The following RRP1B variants were observed in gnomAD, a reference collection of about 807,000 sequenced individuals.
The protein encoded by RRP1B is ribosomal RNA processing 1B.
Under a neutral mutation model 80.2 loss-of-function variants are expected in RRP1B, and 56 were observed. The ratio of observed to expected loss-of-function variants is 0.70; its 90% CI spans 0.56 to 0.87. The LOEUF (loss-of-function observed/expected upper bound fraction) is 0.87, where lower values mean the gene tolerates loss of function less well. RRP1B is among the 40% of genes least tolerant of loss of function. RRP1B has a pLI of 0.00. For synonymous variants in RRP1B, 351 were observed against 357.6 expected (o/e 0.98, Z 0.21); for missense variants, 807 against 939.8 (o/e 0.86, Z 1.85).
chr21:43,680,630 G>C (rs2147170684), intron 8 of RRP1B, among the ~76,000 whole-genome samples: 1 of 151,670 alleles, frequency 6.6e-6, no homozygotes, highest in Middle Eastern at 3.5e-3. Context: ...GAGCAGTCAT[G>C]GTTTATTGCG....
rs1209294929 is a variant in RRP1B, at chr21:43,694,588, A to G, written c.*1205A>G. The G allele has an allele frequency of 2.0e-5, 3 of 152,272 alleles. No homozygotes were observed. The highest frequency in any genetic ancestry group is 7.2e-5 in the African/African-American group (3 of 41,464). 9.4% of individuals were successfully genotyped at this position (152,272 alleles called of 1,614,324 possible). A position where few individuals can be genotyped will look rare whatever the true frequency, so the allele number is the denominator to read the frequency against. ...TTCCGCAGCTACCGTCTGCACGGTGAGAGGGCACGGGCACACGGTTCGGGC... is the reference window on the plus strand; with the variant it reads ...TTCCGCAGCTACCGTCTGCACGGTGGGAGGGCACGGGCACACGGTTCGGGC... On this transcript the variant is annotated 3_prime_UTR_variant, in exon 16 of 16. Transcript: ENST00000340648.
Position 43,688,171 on chromosome 21 carries a change from GA to G in RRP1B, c.1798del (p.Arg600GlufsTer2). ...CAAGTTTGAAAAAGAGGAAGAAAAT[GA>G]GAGTGATGTCAAACTTGGTGGAGCA... ...TASLKKRKKM[R>X]VMSNLVEHNG... On this transcript the variant is annotated frameshift_variant, in exon 13 of 16. Transcript: ENST00000340648. LOFTEE classifies it high-confidence loss of function. The G allele has an allele frequency of 1.3e-6, 2 of 1,576,714 alleles. No individual in the cohort carries two copies. Among genetic ancestry groups the G allele is most frequent in the Non-Finnish European group, 1.7e-6 (2 of 1,160,322 alleles).
intron 1 of RRP1B, among the ~76,000 whole-genome samples, chr21:43,663,999 T>C (rs867642082): frequency 1.3e-5 from 2 of 152,274 alleles, no homozygotes; most frequent in Non-Finnish European, 2.9e-5. Context: ...GATAATGTAC[T>C]TTGCCTTTCA....
At chr21:43,664,260 C>G (rs1250886754) in intron 1 of RRP1B, among the ~76,000 whole-genome samples, 1 of 149,748 alleles carries the variant, frequency 6.7e-6, no homozygotes, top group Non-Finnish European at 1.5e-5. Context: ...CACCTGAACC[C>G]GGGAGGCAGT....
At position 43,691,561 on chromosome 21, in the gene RRP1B, G is replaced by T; in HGVS notation, c.2083+59G>T. On this transcript the variant is annotated intron_variant, in intron 15 of 15. Transcript: ENST00000340648. This position sits in a 1 kb window ranked among gnomAD's most constrained non-coding sequence, Gnocchi z 4.2. ...GGAGCACAGCTGCAGCTCCTGGCGCGGCTCGCAGCCTGGTTCCACAAGGCG... is the reference window on the plus strand; with the variant it reads ...GGAGCACAGCTGCAGCTCCTGGCGCTGCTCGCAGCCTGGTTCCACAAGGCG... 1 of 1,508,202 alleles carries T rather than the reference G, an allele frequency of 6.6e-7. No homozygotes were observed. 93.4% of individuals were successfully genotyped at this position (1,508,202 alleles called of 1,614,324 possible). A position where few individuals can be genotyped will look rare whatever the true frequency, so the allele number is the denominator to read the frequency against.
chr21:43,691,510 G>T lies in RRP1B; in HGVS notation c.2083+8G>T. ...ACAGAAACATGACTGCCGGTAAGTG[G>T]GGTTTTGCCAGCGGCAAGCTTCTCT... On this transcript the variant is annotated splice_region_variant and intron_variant, in intron 15 of 15. Transcript: ENST00000340648. This position sits in a 1 kb window ranked among gnomAD's most constrained non-coding sequence, Gnocchi z 4.2. 6.2e-7 allele frequency: 1 copy of T among 1,613,914 alleles called. No homozygotes were observed. Among genetic ancestry groups the T allele is most frequent in the Non-Finnish European group, 8.5e-7 (1 of 1,179,852 alleles).
chr21:43,689,798 G>A (rs1392367849), intron 13 of RRP1B, among the ~76,000 whole-genome samples: 1 of 152,242 alleles, frequency 6.6e-6, no homozygotes, highest in African/African-American at 2.4e-5. Flanking sequence ...GCACTGGGCT[G>A]CCCACACCTC....
intron 3 of RRP1B, among the ~76,000 whole-genome samples, 178 bp downstream of exon 3, chr21:43,672,543 G>A (rs995901947): frequency 2.0e-5 from 3 of 152,286 alleles, no homozygotes; most frequent in East Asian, 1.9e-4. Context: ...GAATCAATTT[G>A]ACATCTCAAA....
In RRP1B at chr21:43,674,706, A is replaced by G. The variant is rs2083014443; in HGVS notation, c.419+9A>G. On this transcript the variant is annotated intron_variant, in intron 5 of 15. Coordinates refer to ENST00000340648, the MANE Select transcript of RRP1B (RefSeq NM_015056.3). Reference sequence around the variant, plus strand: ...AATGGCTGGGAAGAAAGGTCAGTAAACCATTTGAGTTAGCATGTGGTAGCC... The same window carrying G: ...AATGGCTGGGAAGAAAGGTCAGTAAGCCATTTGAGTTAGCATGTGGTAGCC... 6.2e-7 allele frequency: 1 copy of G among 1,602,970 alleles called. No individual in the cohort carries two copies. Among genetic ancestry groups the G allele is most frequent in the Non-Finnish European group, 8.5e-7 (1 of 1,175,660 alleles).
intron 1 of RRP1B, among the ~76,000 whole-genome samples, chr21:43,665,462 G>C (rs1282449715): frequency 6.6e-6 from 1 of 152,200 alleles, no homozygotes; most frequent in Non-Finnish European, 1.5e-5. Context: ...AAGGTTCTTT[G>C]CAATAAACGT....
intron 1 of RRP1B, among the ~76,000 whole-genome samples, chr21:43,668,302 G>A (rs1233881296): frequency 6.6e-6 from 1 of 151,118 alleles, no homozygotes; most frequent in Admixed American, 6.6e-5. Flanking sequence ...GTAAATTAAG[G>A]TTAACGCACT....
intron 10 of RRP1B, among the ~76,000 whole-genome samples, chr21:43,684,889 T>G (rs1287608702): frequency 1.3e-5 from 2 of 152,290 alleles, no homozygotes; most frequent in Admixed American, 6.5e-5. Flanking sequence ...TGCTTTAGAA[T>G]GATGTGAAGT....
At chr21:43,676,411 G>C in intron 7 of RRP1B, 75 bp downstream of exon 7, 1 of 1,150,744 alleles carries the variant, frequency 8.7e-7, no homozygotes. Flanking sequence ...CGTGCAGCCT[G>C]GCACAGGGTA....
chr21:43,687,622 A>C lies in RRP1B; in HGVS notation c.1248A>C (p.Pro416=), dbSNP rs931675384. The part of the protein sequence containing the change: ...KHHLQPENPG[P]GGAAPSLEQN... ...ACCTGCAGCCTGAAAATCCAGGCCC[A>C]GGGGGTGCAGCCCCATCCCTGGAAC... Residue 416 remains proline (P), a synonymous_variant, in exon 13 of 16, where the codon CCA becomes CCC. Transcript: ENST00000340648. 39 of 1,536,080 alleles carry C rather than the reference A, an allele frequency of 2.5e-5. No individual in the cohort carries two copies. Among genetic ancestry groups the C allele is most frequent in the Non-Finnish European group, 3.3e-5 (38 of 1,145,616 alleles).
intron 1 of RRP1B, among the ~76,000 whole-genome samples, chr21:43,663,021 A>G (rs1475090157): frequency 6.6e-6 from 1 of 152,210 alleles, no homozygotes; most frequent in Non-Finnish European, 1.5e-5. Flanking sequence ...TTCAGTGTAG[A>G]TGATGGAGGA....
intron 1 of RRP1B, among the ~76,000 whole-genome samples, chr21:43,661,769 C>T (rs538799248): frequency 2.0e-5 from 3 of 152,258 alleles, no homozygotes; most frequent in East Asian, 1.9e-4. Context: ...CTGCCTAAGC[C>T]CCGTGTAACT....
chr21:43,689,057 G>A (rs1245985259), intron 13 of RRP1B, among the ~76,000 whole-genome samples: 3 of 152,376 alleles, frequency 2.0e-5, no homozygotes, highest in African/African-American at 7.2e-5. Context: ...TTACAGGCGA[G>A]AGCCCCCGCG....
chr21:43,686,857 G>A lies in RRP1B; in HGVS notation c.1063G>A (p.Asp355Asn). Residue 355 changes from aspartate (D) to asparagine (N), a missense_variant, in exon 12 of 16, where the codon GAC becomes AAC. Asp to Asn is a conservative substitution (Grantham distance 23, BLOSUM62 1). Transcript: ENST00000340648. ...GGAGGACATTTCTGCTGATGAAGAT[G>A]ACCAAATCCTCAGTCAAGGAAAGCA... ...FAEDISADED[D>N]QILSQGKHKK... 4 of 1,614,050 alleles carry A rather than the reference G, an allele frequency of 2.5e-6. No individual in the cohort carries two copies. The South Asian group carries it at 4.4e-5, about 18-fold the overall frequency.
rs1011971521 is a variant in RRP1B at position 43,695,732 on chromosome 21, T to C, written c.*2349T>C. ...GTCCAGAAAGGAAAATAATTTAAAT[T>C]AATGCTGGTGATCTTAACAATATTT... On this transcript the variant is annotated 3_prime_UTR_variant, in exon 16 of 16. Transcript: ENST00000340648. 6.6e-6 allele frequency: 1 copy of C among 152,206 alleles called. No homozygotes were observed. The highest frequency in any genetic ancestry group is 2.4e-5 in the African/African-American group (1 of 41,462). The allele number at this position is 152,206 out of a possible 1,614,324, so 9.4% of individuals were successfully genotyped here.
Sources: allele counts gnomAD v4.1 joint callset (sites outside exome capture counted in the v4.1 genomes callset), GRCh38; gene constraint gnomAD v4.1.1; non-coding constraint Gnocchi (gnomAD v3.1); transcripts MANE v1.5; gene names NCBI Gene and HGNC (gene_info 2026-07-23, HGNC 2026-07-21).